The following MYO3B variants were observed in gnomAD, a reference collection of about 807,000 sequenced individuals.
The protein encoded by MYO3B is myosin-IIIb.
In MYO3B, 156 loss-of-function variants were observed where a neutral mutation model predicts 174.6. The observed-to-expected ratio is 0.89, with a 90% CI of 0.78 to 1.02. The LOEUF (loss-of-function observed/expected upper bound fraction) is 1.02, where lower values mean the gene tolerates loss of function less well. Ranked by LOEUF, MYO3B falls within the 50% of genes least tolerant of loss-of-function variation. MYO3B has a pLI of 0.00. For missense variants in MYO3B, 1,632 were observed against 1,639.4 expected (o/e 1.00, Z 0.08); for synonymous variants, 563 against 569.1 (o/e 0.99, Z 0.15).
intron 23 of MYO3B, among the ~76,000 whole-genome samples, chr2:170,461,498 G>A (rs1229614018): frequency 1.4e-5 from 2 of 147,152 alleles, no homozygotes; most frequent in African/African-American, 5.1e-5. Context: ...GGGCTGGGCC[G>A]AGCACGGTGG....
intron 24 of MYO3B, among the ~76,000 whole-genome samples, chr2:170,465,307 T>C (rs1011349997): frequency 1.3e-5 from 2 of 152,106 alleles, no homozygotes; most frequent in African/African-American, 2.4e-5. Flanking sequence ...GCGTGTTACA[T>C]GGCAAGAGAG....
chr2:170,565,652 G>A (rs949270763), intron 32 of MYO3B, among the ~76,000 whole-genome samples: 1 of 152,162 alleles, frequency 6.6e-6, no homozygotes, highest in Non-Finnish European at 1.5e-5. Flanking sequence ...AGAACAGTGG[G>A]GGACTATAAG....
At chr2:170,488,543 ATTTAT>A (rs1686219258) in intron 25 of MYO3B, among the ~76,000 whole-genome samples, 1 of 152,260 alleles carries the variant, frequency 6.6e-6, no homozygotes, top group Non-Finnish European at 1.5e-5. Flanking sequence ...GTTAAAAAGA[ATTTAT>A]TTTATTCATA....
intron 7 of MYO3B, among the ~76,000 whole-genome samples, chr2:170,305,628 A>C (rs973393134): frequency 6.6e-6 from 1 of 152,166 alleles, no homozygotes; most frequent in African/African-American, 2.4e-5. Flanking sequence ...CCCATCATTC[A>C]AGTAGTCTTA....
chr2:170,612,998 A>G (rs1695216810), intron 32 of MYO3B, among the ~76,000 whole-genome samples: 2 of 152,168 alleles, frequency 1.3e-5, no homozygotes, highest in African/African-American at 4.8e-5. Context: ...ACCAGGGGCA[A>G]CACTCAGCTT....
At chr2:170,342,536 G>GA (rs59070746) in intron 8 of MYO3B, among the ~76,000 whole-genome samples, 90,832 of 151,652 alleles carry the variant, frequency 0.6, 27,502 homozygotes, top group Admixed American at 0.67. Context: ...TGTAATCTTG[G>GA]AAAGATATTT....
chr2:170,582,901 T>C (rs1168066727), intron 32 of MYO3B, among the ~76,000 whole-genome samples: 1 of 152,118 alleles, frequency 6.6e-6, no homozygotes, highest in African/African-American at 2.4e-5. Context: ...CAACAGATCC[T>C]TTTCAGCCAC....
chr2:170,576,286 A>G (rs1692776095), intron 32 of MYO3B, among the ~76,000 whole-genome samples: 1 of 152,210 alleles, frequency 6.6e-6, no homozygotes, highest in South Asian at 2.1e-4. Flanking sequence ...ACCTCTGTGT[A>G]GGGTTACTGT....
In MYO3B at chr2:170,407,727, G is replaced by A; in HGVS notation, c.2533G>A (p.Ala845Thr). The change falls in exon 22 of 35, where the codon GCT becomes ACT. Residue 845 changes from alanine to threonine, a missense_variant. By Grantham distance (58) the Ala-to-Thr change is moderately conservative (BLOSUM62 0). Transcript: ENST00000408978. ...QHYAGKVLYD[A>T]SGVLEKNRDT... Reference sequence around the variant, plus strand: ...ATTCATGTTACAGGTATTATATGATGCTTCTGGGGTTCTTGAGAAAAATAG... The same window carrying A: ...ATTCATGTTACAGGTATTATATGATACTTCTGGGGTTCTTGAGAAAAATAG... 1 of 1,613,968 alleles carries A rather than the reference G, an allele frequency of 6.2e-7. No individual in the cohort carries two copies.
At chr2:170,365,231 G>A (rs1395236163) in intron 8 of MYO3B, among the ~76,000 whole-genome samples, 1 of 152,120 alleles carries the variant, frequency 6.6e-6, no homozygotes, top group Non-Finnish European at 1.5e-5. Context: ...ATCATTGCCA[G>A]GACTTGATCC....
At chr2:170,359,662 C>T (rs1247159229) in intron 8 of MYO3B, among the ~76,000 whole-genome samples, 1 of 152,214 alleles carries the variant, frequency 6.6e-6, no homozygotes, top group Non-Finnish European at 1.5e-5. Flanking sequence ...ACTGTACCCT[C>T]CGCTTGGAAT....
intron 32 of MYO3B, among the ~76,000 whole-genome samples, chr2:170,559,193 A>T (rs1283158619): frequency 6.6e-6 from 1 of 152,178 alleles, no homozygotes; most frequent in East Asian, 1.9e-4. Context: ...GGCTTTAGGG[A>T]GACATAGAGT....
At chr2:170,250,850 C>T (rs2093244741) in intron 7 of MYO3B, among the ~76,000 whole-genome samples, 1 of 151,892 alleles carries the variant, frequency 6.6e-6, no homozygotes, top group East Asian at 2.0e-4. Context: ...GCCGACTCTC[C>T]CACTGTCCCG....
rs1466094860 is a variant in MYO3B at position 170,601,954 on chromosome 2, G to T, written c.3734-49674G>T. 7.2e-6 allele frequency: 6 copies of T among 834,470 alleles called. No individual in the cohort carries two copies. In the African/African-American group the frequency reaches 1.0e-4, roughly 14 times the overall value. The allele number at this position is 834,470 out of a possible 1,614,324, so 51.7% of individuals were successfully genotyped here. On this transcript the variant is annotated intron_variant, in intron 32 of 34. Transcript: ENST00000408978. ...CGAAGGAGGCCTCTTGGGTGCATTG[G>T]AATCCTCGAACTTCTTTTTTGTCTC...
intron 22 of MYO3B, among the ~76,000 whole-genome samples, chr2:170,421,540 C>T: frequency 6.6e-6 from 1 of 152,158 alleles, no homozygotes; most frequent in East Asian, 1.9e-4. Flanking sequence ...CTCCAGCCAC[C>T]CTGACTGGAC....
At chr2:170,562,592 T>C (rs1327458758) in intron 32 of MYO3B, among the ~76,000 whole-genome samples, 2 of 152,154 alleles carry the variant, frequency 1.3e-5, no homozygotes, top group Non-Finnish European at 2.9e-5. Flanking sequence ...GTAAGTTGAG[T>C]CAAATCATGC....
intron 23 of MYO3B, among the ~76,000 whole-genome samples, chr2:170,445,490 C>T (rs776485438): frequency 2.0e-5 from 3 of 152,110 alleles, no homozygotes; most frequent in South Asian, 4.1e-4. Flanking sequence ...TACAGGCATG[C>T]ACCACCTGGC....
At chr2:170,514,477 G>A (rs1202427116) in intron 28 of MYO3B, among the ~76,000 whole-genome samples, 3 of 152,204 alleles carry the variant, frequency 2.0e-5, no homozygotes, top group African/African-American at 4.8e-5. Flanking sequence ...AGGAGAAAAC[G>A]GAGCAGCTTC....
At chr2:170,291,855 A>G (rs1399020713) in intron 7 of MYO3B, among the ~76,000 whole-genome samples, 2 of 151,820 alleles carry the variant, frequency 1.3e-5, no homozygotes, top group Admixed American at 6.6e-5. Context: ...TGCATTTAGG[A>G]TCTTCACTTT....
Sources: allele counts gnomAD v4.1 joint callset (sites outside exome capture counted in the v4.1 genomes callset), GRCh38; gene constraint gnomAD v4.1.1; transcripts MANE v1.5; gene names NCBI Gene and HGNC (gene_info 2026-07-23, HGNC 2026-07-21).